WASHC2A: variants seen among roughly 807,000 people sequenced by gnomAD.
WASHC2A encodes WASH complex subunit FAM21A.
Under a neutral mutation model 140.3 loss-of-function variants are expected in WASHC2A, and 82 were observed. The observed-to-expected ratio is 0.58, with a 90% CI of 0.49 to 0.70. The LOEUF (loss-of-function observed/expected upper bound fraction) is 0.70, where lower values mean the gene tolerates loss of function less well. WASHC2A is among the 30% of genes least tolerant of loss of function. WASHC2A has a pLI of 0.00. For missense variants in WASHC2A, 985 were observed against 1,521.8 expected, an observed-to-expected ratio of 0.65 and a Z score of 5.87; for synonymous variants, 340 against 560.8, an observed-to-expected ratio of 0.61 and a Z score of 5.56.
At chr10:50,092,348 G>T in intron 11 of WASHC2A, 115 bp downstream of exon 11, 2 of 1,461,670 alleles carry the variant, frequency 1.4e-6, no homozygotes, top group Non-Finnish European at 1.9e-6. Flanking sequence ...AAATGGGTCT[G>T]TCTCCATTTA....
intron 10 of WASHC2A, among the ~76,000 whole-genome samples, 179 bp downstream of exon 10, chr10:50,091,697 TAACTG>T (rs1413509679): frequency 3.9e-5 from 6 of 152,330 alleles, no homozygotes; most frequent in Non-Finnish European, 8.8e-5. Context: ...CTCCTTTAGA[TAACTG>T]AACACTGTGG....
In WASHC2A at chr10:50,127,652, GT is replaced by G. The variant is rs1466218617; in HGVS notation, c.2948del (p.Leu983CysfsTer31). On this transcript the variant is annotated frameshift_variant, in exon 28 of 31. Coordinates refer to ENST00000282633, the MANE Select transcript of WASHC2A (RefSeq NM_001005751.3). LOFTEE classifies it high-confidence loss of function. ...AASQISEVKP[V>X]LPELAFPSSE... The stretch of plus-strand genomic sequence containing the variant: ...TTCCCAGATCTCTGAAGTAAAGCCT[GT>G]TTTGCCAGAATTGGCTTTTCCTTCA... The G allele has an allele frequency of 6.2e-7, 1 of 1,604,290 alleles. No individual in the cohort carries two copies. The highest frequency in any genetic ancestry group is 8.5e-7 in the Non-Finnish European group (1 of 1,175,702).
chr10:50,101,981 T>C (rs146598858), intron 17 of WASHC2A, among the ~76,000 whole-genome samples: 39,335 of 151,122 alleles, frequency 0.26, 5,485 homozygotes, highest in East Asian at 0.62. Context: ...GAGGCCATGT[T>C]GCCTTCTTTG....
intron 5 of WASHC2A, among the ~76,000 whole-genome samples, chr10:50,082,100 G>A (rs1838948692): frequency 6.6e-6 from 1 of 151,956 alleles, no homozygotes; most frequent in Non-Finnish European, 1.5e-5. Flanking sequence ...GAAATGGATT[G>A]CCTGGACCAC....
In WASHC2A at chr10:50,129,543, A is replaced by T. The variant is rs1564813201; in HGVS notation, c.3212A>T (p.Asp1071Val). 2.5e-6 allele frequency: 4 copies of T among 1,612,032 alleles called. No individual in the cohort carries two copies. In the Middle Eastern group the frequency reaches 6.8e-4, roughly 273 times the overall value. The change falls in exon 29 of 31, where the codon GAT becomes GTT. Residue 1071 changes from aspartate (D) to valine (V), a missense_variant. By Grantham distance (152) the Asp-to-Val change is radical. Transcript: ENST00000282633. ...VPRGPIAQWA[D>V]GAISPNGHRP... ...AGAGGACCCATTGCACAGTGGGCTGATGGCGCCATTTCCCCAAATGGCCAT... is the reference window on the plus strand; with the variant it reads ...AGAGGACCCATTGCACAGTGGGCTGTTGGCGCCATTTCCCCAAATGGCCAT...
intron 3 of WASHC2A, among the ~76,000 whole-genome samples, chr10:50,071,711 C>G (rs1554876310): frequency 6.7e-6 from 1 of 148,774 alleles, no homozygotes; most frequent in Non-Finnish European, 1.5e-5. Context: ...CAATTTTTCT[C>G]AATCACAGTC....
intron 23 of WASHC2A, among the ~76,000 whole-genome samples, chr10:50,123,694 A>G (rs1435043512): frequency 6.7e-6 from 1 of 149,984 alleles, no homozygotes; most frequent in African/African-American, 2.5e-5. Context: ...AAATCATTAC[A>G]TTTTATACGT....
chr10:50,133,073 A>G lies in WASHC2A; in HGVS notation c.*128A>G. 6.4e-7 allele frequency: 1 copy of G among 1,566,264 alleles called. No individual in the cohort carries two copies. Among genetic ancestry groups the G allele is most frequent in the East Asian group, 2.2e-5 (1 of 44,522 alleles). On this transcript the variant is annotated 3_prime_UTR_variant, in exon 31 of 31. Coordinates refer to ENST00000282633, the MANE Select transcript of WASHC2A (RefSeq NM_001005751.3). ...AGAACAGCTAGCTCATCGTTCACCCAATGTACTTGGTATTTTTCTGCACTG... is the reference window on the plus strand; with the variant it reads ...AGAACAGCTAGCTCATCGTTCACCCGATGTACTTGGTATTTTTCTGCACTG...
intron 23 of WASHC2A, among the ~76,000 whole-genome samples, chr10:50,124,158 G>A (rs1843219175): frequency 6.6e-6 from 1 of 152,228 alleles, no homozygotes; most frequent in South Asian, 2.1e-4. Flanking sequence ...AGGCTGGAGT[G>A]CAGTGGCGTG....
intron 5 of WASHC2A, among the ~76,000 whole-genome samples, chr10:50,083,761 G>A (rs1410090683): frequency 8.4e-6 from 1 of 118,722 alleles, no homozygotes; most frequent in Admixed American, 8.1e-5. Context: ...GTTTCACCAC[G>A]TTGGTCAGGC....
At chr10:50,127,933 C>T in intron 28 of WASHC2A, 138 bp downstream of exon 28, 1 of 1,553,572 alleles carries the variant, frequency 6.4e-7, no homozygotes, top group South Asian at 1.2e-5. Flanking sequence ...CCTTCAGCCA[C>T]TCCCCACTCC....
chr10:50,076,455 G>C (rs1473027767), intron 3 of WASHC2A, among the ~76,000 whole-genome samples: 1 of 152,178 alleles, frequency 6.6e-6, no homozygotes, highest in Non-Finnish European at 1.5e-5. Flanking sequence ...TTGGGTCAGA[G>C]GATATGATCG....
chr10:50,073,495 T>A (rs1320464133), intron 3 of WASHC2A, among the ~76,000 whole-genome samples: 2 of 145,884 alleles, frequency 1.4e-5, no homozygotes, highest in African/African-American at 5.1e-5. Context: ...ATTTTGGTCA[T>A]TTTTCCCTCC....
At chr10:50,121,395 CT>C (rs879039985) in intron 23 of WASHC2A, among the ~76,000 whole-genome samples, 34,684 of 132,226 alleles carry the variant, frequency 0.26, 4,644 homozygotes, top group East Asian at 0.5. Flanking sequence ...TAGTAACTTT[CT>C]TTTTTTTTTT....
chr10:50,104,531 A>G (rs1292975379), intron 18 of WASHC2A, among the ~76,000 whole-genome samples: 1 of 151,702 alleles, frequency 6.6e-6, no homozygotes, highest in African/African-American at 2.4e-5. Flanking sequence ...TAATTTTTGT[A>G]TTGTTAATAG....
At chr10:50,110,668 G>A (rs1420099178) in intron 20 of WASHC2A, among the ~76,000 whole-genome samples, 63 of 152,092 alleles carry the variant, frequency 4.1e-4, no homozygotes, top group African/African-American at 1.3e-3. Context: ...CGAGGTGGGC[G>A]GATCACGATG....
intron 23 of WASHC2A, among the ~76,000 whole-genome samples, chr10:50,124,772 A>G (rs1201840625): frequency 1.3e-5 from 2 of 151,884 alleles, no homozygotes; most frequent in African/African-American, 2.4e-5. Flanking sequence ...GTTTCTCATT[A>G]TGGAACTAAT....
intron 10 of WASHC2A, 125 bp downstream of exon 10, chr10:50,091,643 A>T (rs2132559036): frequency 1.1e-6 from 1 of 952,120 alleles, no homozygotes; most frequent in East Asian, 2.6e-5. Flanking sequence ...TAATTGCTAC[A>T]TATAATTTAA....
At chr10:50,077,150 C>T (rs1206487311) in intron 3 of WASHC2A, among the ~76,000 whole-genome samples, 18 of 150,428 alleles carry the variant, frequency 1.2e-4, no homozygotes, top group Non-Finnish European at 1.8e-4. Context: ...ACAAATTAGC[C>T]GGGTGTGGTG....
Sources: gnomAD v4.1 joint callset for allele counts (sites outside exome capture counted in the v4.1 genomes callset) on GRCh38, gnomAD v4.1.1 for gene constraint, MANE v1.5 for transcripts, NCBI Gene and HGNC (gene_info 2026-07-23, HGNC 2026-07-21) for gene names.